The following COBL variants were observed in gnomAD, a reference collection of about 807,000 sequenced individuals.
The protein encoded by COBL is protein cordon-bleu.
In COBL, 51 loss-of-function variants were observed where a neutral mutation model predicts 98.8. That is an observed-to-expected ratio of 0.52 (90% CI 0.41 to 0.65). The LOEUF (loss-of-function observed/expected upper bound fraction) is 0.65, where lower values mean the gene tolerates loss of function less well. Ranked by LOEUF, COBL falls within the 30% of genes least tolerant of loss-of-function variation. COBL has a pLI of 0.00. For synonymous variants in COBL, 634 were observed against 651.7 expected, an observed-to-expected ratio of 0.97 and a Z score of 0.41; for missense variants, 1,617 against 1,617.5, an observed-to-expected ratio of 1.00 and a Z score of 0.01.
chr7:51,122,797 G>A (rs1474105204), intron 6 of COBL, among the ~76,000 whole-genome samples: 3 of 152,034 alleles, frequency 2.0e-5, no homozygotes, highest in Admixed American at 6.6e-5. Context: ...TGTGCAACAT[G>A]GCAAAACCCT....
chr7:51,234,380 C>A (rs1451400435), intron 1 of COBL, among the ~76,000 whole-genome samples: 1 of 152,214 alleles, frequency 6.6e-6, no homozygotes, highest in Non-Finnish European at 1.5e-5. Flanking sequence ...TCGGGCTCGC[C>A]CACTTCCCAA....
At chr7:51,316,405 T>G in intron 1 of COBL, 188 bp downstream of exon 1, 1 of 382,588 alleles carries the variant, frequency 2.6e-6, no homozygotes. Context: ...GTGCCCAAAG[T>G]ACACAGCACG....
intron 6 of COBL, among the ~76,000 whole-genome samples, chr7:51,114,433 A>G (rs1477694512): frequency 1.3e-5 from 2 of 152,198 alleles, no homozygotes; most frequent in African/African-American, 2.4e-5. Context: ...AGAAACATTT[A>G]CTAAAACAAA....
chr7:51,043,773 CG>C lies in COBL; in HGVS notation c.1097-82del. On this transcript the variant is annotated intron_variant, in intron 7 of 12. Coordinates refer to ENST00000265136, the MANE Select transcript of COBL (RefSeq NM_015198.5). Reference sequence around the variant, plus strand: ...CCTAACAAGTGTGACATCAGTCTGTCGGCCCCGCTCTAAAATTTGGGATTCA... The same window carrying C: ...CCTAACAAGTGTGACATCAGTCTGTCGCCCCGCTCTAAAATTTGGGATTCA... 4 of 1,250,568 alleles carry C rather than the reference CG, an allele frequency of 3.2e-6. No homozygotes were observed. The South Asian group carries it at 5.8e-5, about 18-fold the overall frequency. The allele number at this position is 1,250,568 out of a possible 1,614,324, so 77.5% of individuals were successfully genotyped here.
intron 5 of COBL, among the ~76,000 whole-genome samples, chr7:51,140,829 T>C (rs964900745): frequency 1.3e-5 from 2 of 152,144 alleles, no homozygotes; most frequent in African/African-American, 4.8e-5. Flanking sequence ...CCCTCGCTCA[T>C]TGACTTATAA....
chr7:51,285,750 T>A (rs1321496631), intron 1 of COBL, among the ~76,000 whole-genome samples: 1 of 152,146 alleles, frequency 6.6e-6, no homozygotes, highest in Non-Finnish European at 1.5e-5. Flanking sequence ...GATCTGAAAA[T>A]TTATATGGAA....
chr7:51,186,637 C>T (rs1020815281), intron 4 of COBL, among the ~76,000 whole-genome samples: 8 of 152,204 alleles, frequency 5.3e-5, no homozygotes, highest in South Asian at 2.1e-4. Flanking sequence ...GGGAGAGACA[C>T]TTTCTCATGC....
At chr7:51,234,136 G>A (rs566914321) in intron 1 of COBL, among the ~76,000 whole-genome samples, 2 of 152,312 alleles carry the variant, frequency 1.3e-5, no homozygotes, top group African/African-American at 4.8e-5. Flanking sequence ...GCTAAGTGTT[G>A]GGTACCTTTA....
chr7:51,088,181 T>C (rs901424288), intron 6 of COBL, among the ~76,000 whole-genome samples: 1 of 152,184 alleles, frequency 6.6e-6, no homozygotes, highest in African/African-American at 2.4e-5. Flanking sequence ...CCCTGCAATC[T>C]GAATATCCTT....
At chr7:51,055,109 C>T (rs1397681189) in intron 7 of COBL, among the ~76,000 whole-genome samples, 1 of 152,162 alleles carries the variant, frequency 6.6e-6, no homozygotes, top group East Asian at 1.9e-4. Flanking sequence ...CATCCCCAGC[C>T]GGAGTTCTCA....
intron 1 of COBL, among the ~76,000 whole-genome samples, chr7:51,291,536 G>A (rs1291944158): frequency 2.0e-5 from 3 of 151,966 alleles, no homozygotes; most frequent in East Asian, 3.9e-4. Context: ...TGAGGCAGGC[G>A]GATCACCTGA....
intron 7 of COBL, chr7:51,065,210 G>C: frequency 2.8e-6 from 2 of 703,342 alleles, no homozygotes; most frequent in Non-Finnish European, 5.2e-6. Context: ...TTGTGTGTGT[G>C]TGCGTGTGTG....
chr7:51,027,835 G>A lies in COBL; in HGVS notation c.3261C>T (p.Ser1087=). ...GNETDSIWPP[S]IFGPKKKFKP... is the part of the protein sequence containing the mutation. ...TGAATTTTTTCTTCGGCCCAAAAAT[G>A]CTGGGTGGCCAAATACTGTCTGTTT... The change falls in exon 10 of 13, where the codon AGC becomes AGT. Residue 1087 remains serine (S), a synonymous_variant. Transcript: ENST00000265136. 2.5e-6 allele frequency: 4 copies of A among 1,614,242 alleles called. No homozygotes were observed. In the South Asian group the frequency reaches 3.3e-5, roughly 13 times the overall value.
chr7:51,280,703 C>T (rs1285493122), intron 1 of COBL, among the ~76,000 whole-genome samples: 2 of 152,278 alleles, frequency 1.3e-5, no homozygotes, highest in Admixed American at 6.5e-5. Context: ...CTCCTGGGTG[C>T]GTCCCCAAAC....
intron 1 of COBL, among the ~76,000 whole-genome samples, chr7:51,240,780 T>A (rs1795719167): frequency 6.6e-6 from 1 of 152,146 alleles, no homozygotes; most frequent in South Asian, 2.1e-4. Flanking sequence ...TGACCTCAGG[T>A]GATCTACCCA....
At chr7:51,077,134 T>C (rs768696311) in intron 7 of COBL, among the ~76,000 whole-genome samples, 1 of 152,218 alleles carries the variant, frequency 6.6e-6, no homozygotes, top group Non-Finnish European at 1.5e-5. Flanking sequence ...AAAATCCGTA[T>C]GCACACAACT....
chr7:51,044,919 TA>T, intron 7 of COBL, among the ~76,000 whole-genome samples: 1 of 152,292 alleles, frequency 6.6e-6, no homozygotes, highest in East Asian at 1.9e-4. Context: ...AACAACAGTT[TA>T]AAGAATATAC....
At chr7:51,215,650 C>A in intron 2 of COBL, among the ~76,000 whole-genome samples, 1 of 152,242 alleles carries the variant, frequency 6.6e-6, no homozygotes. Flanking sequence ...TTGGAACAGC[C>A]TTCTTGGGGC....
At chr7:51,153,629 T>C (rs373265503) in intron 5 of COBL, among the ~76,000 whole-genome samples, 25 of 152,332 alleles carry the variant, frequency 1.6e-4, no homozygotes, top group East Asian at 7.7e-4. Context: ...ATATGACTGC[T>C]GATAGCCAGT....
Sources: allele counts gnomAD v4.1 joint callset (sites outside exome capture counted in the v4.1 genomes callset), GRCh38; gene constraint gnomAD v4.1.1; transcripts MANE v1.5; gene names NCBI Gene and HGNC (gene_info 2026-07-23, HGNC 2026-07-21).